Variants in FAIM observed in about 807,000 individuals in gnomAD.
FAIM encodes fas apoptotic inhibitory molecule 1.
Under a neutral mutation model 21.2 loss-of-function variants are expected in FAIM, and 14 were observed. That is an observed-to-expected ratio of 0.66 (90% confidence interval 0.44 to 1.03). FAIM has a LOEUF of 1.03. FAIM is among the 50% of genes least tolerant of loss of function. The pLI, the probability that FAIM is intolerant of heterozygous loss-of-function variation, is 0.00. For missense variants in FAIM, 222 were observed against 247.1 expected (o/e 0.90, Z 0.68); for synonymous variants, 86 against 80.4 (o/e 1.07, Z -0.37).
intron 2 of FAIM, chr3:138,621,192 A>T (rs1007821941): frequency 5.4e-5 from 29 of 532,542 alleles, no homozygotes; most frequent in Non-Finnish European, 4.3e-5. Flanking sequence ...AAGTAATCGG[A>T]CTATGTACCC....
chr3:138,614,178 G>A (rs1393544699), intron 1 of FAIM, among the ~76,000 whole-genome samples: 2 of 152,194 alleles, frequency 1.3e-5, no homozygotes, highest in East Asian at 3.8e-4. Context: ...GGTGGCTTAT[G>A]CCTGTAATCC....
At chr3:138,609,565 T>TCCCTCTCTCCCTCTCTCC (rs2042738054) in intron 1 of FAIM, among the ~76,000 whole-genome samples, 1 of 94,300 alleles carries the variant, frequency 1.1e-5, no homozygotes, top group African/African-American at 4.1e-5. Context: ...TCTCTCTCTC[T>TCCCTCTCTCCCTCTCTCC]CTCTCTCTCT....
At chr3:138,632,401 A>G (rs562140842) in intron 5 of FAIM, among the ~76,000 whole-genome samples, 44 of 152,248 alleles carry the variant, frequency 2.9e-4, no homozygotes, top group African/African-American at 9.6e-4. Context: ...CCCAATAGCC[A>G]CATGTGGCCA....
chr3:138,632,085 C>G (rs1032103841), intron 5 of FAIM, among the ~76,000 whole-genome samples: 1 of 151,650 alleles, frequency 6.6e-6, no homozygotes, highest in Non-Finnish European at 1.5e-5. Flanking sequence ...TTCCTTCCTT[C>G]TCTGCGCTAC....
chr3:138,613,011 CT>C (rs35341179), intron 1 of FAIM, among the ~76,000 whole-genome samples: 68,300 of 141,878 alleles, frequency 0.48, 17,297 homozygotes, highest in South Asian at 0.64. Flanking sequence ...AGTCCTTTGC[CT>C]TTTTTTTTTT....
chr3:138,617,124 C>T (rs2042833333), intron 1 of FAIM, among the ~76,000 whole-genome samples: 2 of 151,588 alleles, frequency 1.3e-5, no homozygotes, highest in Non-Finnish European at 2.9e-5. Context: ...GGTGGTATTG[C>T]CTTTTATACT....
chr3:138,622,442 C>CTTT (rs11303336), intron 4 of FAIM, 26 bp downstream of exon 4: 14 of 1,103,022 alleles, frequency 1.3e-5, no homozygotes, highest in South Asian at 1.7e-5. Flanking sequence ...TTCCGCAGAA[C>CTTT]TTTTTTTTTT....
At chr3:138,622,101 A>G in intron 3 of FAIM, 87 bp from the exon 4 acceptor site, 2 of 1,096,196 alleles carry the variant, frequency 1.8e-6, no homozygotes, top group South Asian at 3.3e-5. Flanking sequence ...TCTAAATGGC[A>G]TTGCCTTTGT....
intron 1 of FAIM, 142 bp downstream of exon 1, chr3:138,609,079 C>G (rs2042721574): frequency 6.5e-6 from 1 of 153,458 alleles, no homozygotes. Context: ...CCGGCGGCGG[C>G]CATCTCTGGG....
intron 5 of FAIM, 30 bp from the exon 6 acceptor site, chr3:138,632,900 C>T (rs1274723452): frequency 1.2e-6 from 2 of 1,606,008 alleles, no homozygotes; most frequent in Admixed American, 3.4e-5. Context: ...GTTTCTGCAC[C>T]ACTAATTCCT....
At chr3:138,615,296 C>T (rs2042814842) in intron 1 of FAIM, among the ~76,000 whole-genome samples, 1 of 152,206 alleles carries the variant, frequency 6.6e-6, no homozygotes. Flanking sequence ...TTAAGTCAAA[C>T]CATTATAAGC....
chr3:138,631,538 A>G (rs2043005403), intron 5 of FAIM, among the ~76,000 whole-genome samples: 1 of 152,218 alleles, frequency 6.6e-6, no homozygotes, highest in Non-Finnish European at 1.5e-5. Context: ...TTTATAACAC[A>G]GTTGCCTTCT....
At chr3:138,621,279 T>G (rs1428209431) in intron 2 of FAIM, 128 bp from the exon 3 acceptor site, 1 of 937,616 alleles carries the variant, frequency 1.1e-6, no homozygotes, top group Non-Finnish European at 1.6e-6. Context: ...GTAGAATTTC[T>G]TAGGTACTGT....
At chr3:138,628,473 A>T (rs879829554) in intron 4 of FAIM, among the ~76,000 whole-genome samples, 4 of 149,726 alleles carry the variant, frequency 2.7e-5, no homozygotes, top group Non-Finnish European at 4.4e-5. Flanking sequence ...TTTTTTATTT[A>T]TTTATTTATT....
At chr3:138,622,709 G>T (rs985139866) in intron 4 of FAIM, among the ~76,000 whole-genome samples, 1 of 151,936 alleles carries the variant, frequency 6.6e-6, no homozygotes, top group Admixed American at 6.6e-5. Context: ...AGGTTTTATA[G>T]TGATGGATTT....
intron 3 of FAIM, among the ~76,000 whole-genome samples, 184 bp from the exon 4 acceptor site, chr3:138,622,004 A>G (rs1386922246): frequency 1.3e-5 from 2 of 150,360 alleles, no homozygotes; most frequent in African/African-American, 4.9e-5. Flanking sequence ...CTGGTCTCAA[A>G]CTCCTGACCT....
intron 3 of FAIM, 104 bp from the exon 4 acceptor site, chr3:138,622,084 A>C: frequency 1.0e-6 from 1 of 978,496 alleles, no homozygotes; most frequent in Non-Finnish European, 1.5e-6. Context: ...CCGGCAATGA[A>C]ATTATATCTA....
chr3:138,615,212 G>T (rs2042814114), intron 1 of FAIM, among the ~76,000 whole-genome samples: 6 of 152,150 alleles, frequency 3.9e-5, no homozygotes, highest in Admixed American at 1.3e-4. Flanking sequence ...AAAGTGAATG[G>T]TTGTATGGGT....
intron 1 of FAIM, among the ~76,000 whole-genome samples, chr3:138,612,589 TGG>T (rs1424088753): frequency 6.6e-6 from 1 of 152,220 alleles, no homozygotes; most frequent in Non-Finnish European, 1.5e-5. Context: ...CTTATGTTGA[TGG>T]ACAACTTGGG....
Sources: allele counts gnomAD v4.1 joint callset (sites outside exome capture counted in the v4.1 genomes callset), GRCh38; gene constraint gnomAD v4.1.1; transcripts MANE v1.5; gene names NCBI Gene and HGNC (gene_info 2026-07-23, HGNC 2026-07-21).